EHMT1: variants seen among roughly 807,000 people sequenced by gnomAD.
EHMT1 encodes euchromatic histone lysine methyltransferase 1.
EHMT1 carries 15 observed loss-of-function variants against 147.2 expected under a neutral mutation model. The ratio of observed to expected loss-of-function variants is 0.10; its 90% CI spans 0.07 to 0.16. The LOEUF (loss-of-function observed/expected upper bound fraction) is 0.16, where lower values mean the gene tolerates loss of function less well. Among genes scored for constraint, EHMT1 ranks in the 10% least tolerant of loss-of-function variants. The probability of loss-of-function intolerance (pLI) is 1.00; values close to 1 mark genes in which losing one functional copy is unlikely to be tolerated. For synonymous variants in EHMT1, 795 were observed against 709.6 expected (o/e 1.12, Z -1.91); for missense variants, 1,587 against 1,772.4 (o/e 0.90, Z 1.88).
intron 25 of EHMT1, among the ~76,000 whole-genome samples, chr9:137,826,776 G>C (rs1048835103): frequency 1.3e-5 from 2 of 152,296 alleles, no homozygotes; most frequent in South Asian, 4.1e-4. Context: ...CTGCTGATGC[G>C]GCTGTGGCCT....
At chr9:137,760,775 C>G (rs193155780) in intron 9 of EHMT1, among the ~76,000 whole-genome samples, 243 of 152,218 alleles carry the variant, frequency 1.6e-3, no homozygotes, top group Non-Finnish European at 2.5e-3. Flanking sequence ...TTTGGGAGGC[C>G]GAGGTGGGCA....
intron 1 of EHMT1, among the ~76,000 whole-genome samples, chr9:137,649,580 C>T (rs1845159638): frequency 6.6e-6 from 1 of 152,184 alleles, no homozygotes; most frequent in South Asian, 2.1e-4. Context: ...AATTAAGGAT[C>T]TTGAGATGAA....
intron 10 of EHMT1, among the ~76,000 whole-genome samples, chr9:137,774,079 C>T (rs186276198): frequency 6.6e-6 from 1 of 152,334 alleles, no homozygotes; most frequent in South Asian, 2.1e-4. Flanking sequence ...TGCTCCTTGC[C>T]TTGTGTGCAG....
At position 137,725,243 on chromosome 9, in the gene EHMT1, T is replaced by TG. The variant is rs1032618823; in HGVS notation, c.643-3102dup. On this transcript the variant is annotated intron_variant, in intron 3 of 26. Coordinates refer to ENST00000460843, the MANE Select transcript of EHMT1 (RefSeq NM_024757.5). ...GTATGTGGCATTCGTGGGGCAGATG[T>TG]GGGGCAGACATGTGGCCTTCGTGTG... Among the ~76,000 whole-genome samples, 5 of 150,582 alleles carry TG rather than the reference T, an allele frequency of 3.3e-5. 1 individual carries two copies. The highest frequency in any genetic ancestry group is 6.6e-5 in the Admixed American group (1 of 15,112).
chr9:137,802,765 C>CA, intron 18 of EHMT1: 11 of 1,210,272 alleles, frequency 9.1e-6, no homozygotes, highest in Non-Finnish European at 1.1e-5. Flanking sequence ...TCCTGAGCTG[C>CA]AGTGCCTCCT....
chr9:137,795,415 ACACACACACACACTCT>A lies in EHMT1; in HGVS notation c.2506-3392_2506-3377del, dbSNP rs1304343940. Among the ~76,000 whole-genome samples, 24 of 17,014 alleles carry A rather than the reference ACACACACACACACTCT, an allele frequency of 1.4e-3. No homozygotes were observed. In the South Asian group the frequency reaches 0.14, roughly 101 times the overall value. 11.2% of individuals were successfully genotyped at this position (17,014 alleles called of 152,430 possible). On this transcript the variant is annotated intron_variant, in intron 16 of 26. Coordinates refer to ENST00000460843, the MANE Select transcript of EHMT1 (RefSeq NM_024757.5). ...TATCGCAGGGTGCACACACACACACACACACACACACACTCTCACACTCACATACACACACAGACAC... is the reference window on the plus strand; with the variant it reads ...TATCGCAGGGTGCACACACACACACACACACTCACATACACACACAGACAC...
chr9:137,684,436 C>A (rs1426618133), intron 1 of EHMT1, among the ~76,000 whole-genome samples: 1 of 152,146 alleles, frequency 6.6e-6, no homozygotes, highest in Non-Finnish European at 1.5e-5. Flanking sequence ...GATGCCCCTT[C>A]ATTCCTAAAT....
At chr9:137,822,193 C>T (rs952927153) in intron 25 of EHMT1, among the ~76,000 whole-genome samples, 2 of 152,156 alleles carry the variant, frequency 1.3e-5, no homozygotes, top group Non-Finnish European at 2.9e-5. Context: ...GTGATTTGCC[C>T]ACGTGGCTAC....
intron 1 of EHMT1, among the ~76,000 whole-genome samples, chr9:137,625,879 A>T (rs1843220890): frequency 6.7e-6 from 1 of 149,404 alleles, no homozygotes. Flanking sequence ...TTTTGAGACG[A>T]AGTTTTGCTC....
At chr9:137,714,764 G>T (rs1248186623) in intron 2 of EHMT1, among the ~76,000 whole-genome samples, 1 of 151,880 alleles carries the variant, frequency 6.6e-6, no homozygotes, top group Non-Finnish European at 1.5e-5. Context: ...GCCCAGGTGG[G>T]TCGTGAACTC....
intron 1 of EHMT1, among the ~76,000 whole-genome samples, chr9:137,641,954 C>T (rs1430879092): frequency 1.3e-5 from 2 of 152,122 alleles, no homozygotes; most frequent in Non-Finnish European, 2.9e-5. Context: ...GTTCTCCTGC[C>T]TCAGCCTCCT....
At chr9:137,742,239 A>C (rs1430333152) in intron 4 of EHMT1, among the ~76,000 whole-genome samples, 2 of 145,242 alleles carry the variant, frequency 1.4e-5, no homozygotes, top group Non-Finnish European at 3.0e-5. Flanking sequence ...GATGGTTCTC[A>C]CTCGTTCACG....
intron 2 of EHMT1, among the ~76,000 whole-genome samples, chr9:137,714,662 C>T (rs1945044709): frequency 6.6e-6 from 1 of 151,410 alleles, no homozygotes; most frequent in African/African-American, 2.4e-5. Flanking sequence ...AAGCGACCCT[C>T]CTGCCACAGC....
intron 13 of EHMT1, among the ~76,000 whole-genome samples, chr9:137,779,246 C>T (rs745845959): frequency 1.6e-4 from 25 of 152,254 alleles, no homozygotes; most frequent in Non-Finnish European, 2.6e-4. Context: ...TGCCCTCACT[C>T]GTGACCACGC....
rs1202845588 is a variant in EHMT1, at chr9:137,809,778, A to G, written c.2713-1683A>G. On this transcript the variant is annotated intron_variant, in intron 18 of 26. Transcript: ENST00000460843. Reference sequence around the variant, plus strand: ...TTGTATTCCAGAAATATACCAACAGACATAAACCAAGTGTTCAGTAAAGGA... The same window carrying G: ...TTGTATTCCAGAAATATACCAACAGGCATAAACCAAGTGTTCAGTAAAGGA... 2.0e-5 allele frequency among the ~76,000 whole-genome samples: 3 copies of G among 152,250 alleles called. No homozygotes were observed. The East Asian group carries it at 5.8e-4, about 29-fold the overall frequency.
chr9:137,791,106 C>T (rs1215574835), intron 16 of EHMT1, 136 bp downstream of exon 16: 1 of 1,420,574 alleles, frequency 7.0e-7, no homozygotes, highest in East Asian at 2.3e-5. Context: ...GAAATAGTTC[C>T]TTCATCTCAC....
intron 1 of EHMT1, among the ~76,000 whole-genome samples, chr9:137,628,471 T>C (rs566412606): frequency 6.6e-6 from 1 of 152,348 alleles, no homozygotes; most frequent in East Asian, 1.9e-4. Flanking sequence ...TTTGTAGAGA[T>C]GGAGTCTCAC....
chr9:137,758,421 C>T (rs1949549395), intron 9 of EHMT1, among the ~76,000 whole-genome samples: 1 of 152,354 alleles, frequency 6.6e-6, no homozygotes, highest in African/African-American at 2.4e-5. Context: ...AGAGTTCTGA[C>T]ATACGTTCTG....
At chr9:137,688,470 C>T (rs1246101881) in intron 1 of EHMT1, among the ~76,000 whole-genome samples, 1 of 152,192 alleles carries the variant, frequency 6.6e-6, no homozygotes, top group East Asian at 1.9e-4. Flanking sequence ...AGCGCTGCAC[C>T]CCTCCTCCTC....
Sources: gnomAD v4.1 joint callset for allele counts (sites outside exome capture counted in the v4.1 genomes callset) on GRCh38, gnomAD v4.1.1 for gene constraint, MANE v1.5 for transcripts, NCBI Gene and HGNC (gene_info 2026-07-23, HGNC 2026-07-21) for gene names.